DICER1: variants seen among roughly 807,000 people sequenced by gnomAD.
The protein encoded by DICER1 is endoribonuclease Dicer.
A neutral mutation model predicts 194.1 loss-of-function variants in DICER1; 43 were observed. The ratio of observed to expected loss-of-function variants is 0.22; its 90% CI spans 0.17 to 0.29. The LOEUF (loss-of-function observed/expected upper bound fraction) is 0.29. Ranked by LOEUF, DICER1 falls within the 10% of genes least tolerant of loss-of-function variation. DICER1 has a pLI of 1.00. For missense variants in DICER1, 1,608 were observed against 2,317.0 expected (o/e 0.69, Z 6.28); for synonymous variants, 832 against 820.5 (o/e 1.01, Z -0.24).
intron 24 of DICER1, among the ~76,000 whole-genome samples, chr14:95,091,894 A>T (rs1410110623): frequency 1.3e-5 from 2 of 152,222 alleles, no homozygotes; most frequent in Non-Finnish European, 2.9e-5. Context: ...GCCACTAGAT[A>T]TGTGTTCACT....
At chr14:95,134,378 A>T (rs1566817635) in intron 1 of DICER1, 1 of 152,244 alleles carries the variant, frequency 6.6e-6, no homozygotes, top group Admixed American at 6.5e-5. Flanking sequence ...ACAGAGGGTC[A>T]GGGATTCAAA....
intron 1 of DICER1, among the ~76,000 whole-genome samples, chr14:95,143,707 C>T (rs779748489): frequency 6.6e-6 from 1 of 152,164 alleles, no homozygotes; most frequent in Non-Finnish European, 1.5e-5. Flanking sequence ...GTGATGGGCA[C>T]AGCAGTCTGA....
Position 95,105,774 on chromosome 14 carries a change from A to C in DICER1, c.2997T>G (p.Leu999=), listed in dbSNP as rs12018992. 3.1e-3 allele frequency: 5,007 copies of C among 1,613,832 alleles called. 121 individuals carry two copies. In the African/African-American group the frequency reaches 0.057, roughly 18 times the overall value. ...DVDHTSSRLN[L]LTPRHLNQKG... ...TCTGATTCAAATGTCGAGGTGTCAA[A>C]AGATTAAGTCTGTAAGAATTCCAAA... The change falls in exon 19 of 27, where the codon CTT becomes CTG. Residue 999 remains leucine (L), a synonymous_variant. Transcript: ENST00000343455. The surrounding 1 kb of genome is among the most constrained non-coding windows in gnomAD (Gnocchi z 4.9).
In DICER1 at chr14:95,099,811, C is replaced by T. The variant is rs751216539; in HGVS notation, c.4175G>A (p.Ser1392Asn). Reference protein sequence around the residue: ...PPGYVVNQDKSNTDKWEKDEM... With the variant: ...PPGYVVNQDKNNTDKWEKDEM... ...ATCTTTTTCCCATTTATCTGTGTTG[C>T]TTTTGTCTTGATTTACTACATAACC... Residue 1392 changes from serine to asparagine, a missense_variant, in exon 22 of 27, where the codon AGC becomes AAC. By Grantham distance (46) the Ser-to-Asn change is conservative. Around this residue, in one of 10 missense-constraint regions of DICER1, gnomAD observed 164 missense variants for 183.7 expected, o/e 0.89. Coordinates refer to ENST00000343455, the MANE Select transcript of DICER1 (RefSeq NM_177438.3). The T allele has an allele frequency of 2.5e-6, 4 of 1,612,296 alleles. No individual in the cohort carries two copies. Among genetic ancestry groups the T allele is most frequent in the Non-Finnish European group, 3.4e-6 (4 of 1,179,400 alleles).
chr14:95,115,931 T>A lies in DICER1; in HGVS notation c.1753-110A>T, dbSNP rs566321934. The A allele has an allele frequency of 8.3e-6, 9 of 1,083,038 alleles. No homozygotes were observed. In the African/African-American group the frequency reaches 1.1e-4, roughly 13 times the overall value. The allele number at this position is 1,083,038 out of a possible 1,614,324, so 67.1% of individuals were successfully genotyped here. On this transcript the variant is annotated intron_variant, in intron 10 of 26. Transcript: ENST00000343455. ...CTCCTGAAAATATCTCTCTCTCTCC[T>A]AAACATACTTCAGTACTCCAAAGTA...
chr14:95,095,628 C>G (rs1045015463), intron 23 of DICER1, 197 bp downstream of exon 23: 3 of 657,032 alleles, frequency 4.6e-6, no homozygotes, highest in African/African-American at 3.6e-5. Flanking sequence ...CTCCCAACAA[C>G]CAAAGTTATA....
rs1893778970 is a variant in DICER1 at position 95,129,629 on chromosome 14, A to G, written c.577T>C (p.Cys193Arg). 1 of 1,610,978 alleles carries G rather than the reference A, an allele frequency of 6.2e-7. No homozygotes were observed. Among genetic ancestry groups the G allele is most frequent in the Non-Finnish European group, 8.5e-7 (1 of 1,179,710 alleles). Residue 193 changes from cysteine (C) to arginine (R), a missense_variant, in exon 6 of 27, where the codon TGT becomes CGT. This residue lies in a region of DICER1 where 657 missense variants were observed against 910.1 expected (regional missense o/e 0.72). Transcript: ENST00000343455. ...DHPYREIMKL[C>R]ENCPSCPRIL... ...CGAGGACATGATGGACAATTTTCAC[A>G]GAGCTAACATAATAAAAGATACTGA...
chr14:95,094,604 T>C (rs1005245235), intron 23 of DICER1, among the ~76,000 whole-genome samples: 1 of 152,228 alleles, frequency 6.6e-6, no homozygotes, highest in African/African-American at 2.4e-5. Flanking sequence ...ATTCACACTC[T>C]GGAATCTGTG....
intron 1 of DICER1, among the ~76,000 whole-genome samples, chr14:95,152,017 A>C (rs1895546926): frequency 6.6e-6 from 1 of 152,246 alleles, no homozygotes; most frequent in Admixed American, 6.5e-5. Context: ...AAGTTCTCTA[A>C]GTACAACCGG....
rs531996964 is a variant in DICER1 at position 95,132,708 on chromosome 14, C to T, written c.145-31G>A. ...AACATGGTGAAAAAAAAGTTATGCA[C>T]TTCTTACCTAAGTACAAAATTTATA... On this transcript the variant is annotated intron_variant, in intron 2 of 26. Transcript: ENST00000343455. 25 of 1,605,536 alleles carry T rather than the reference C, an allele frequency of 1.6e-5. No individual in the cohort carries two copies. In the African/African-American group the frequency reaches 2.9e-4, roughly 19 times the overall value.
chr14:95,116,415 T>A (rs1242183535), intron 10 of DICER1, 38 bp downstream of exon 10: 3 of 1,601,932 alleles, frequency 1.9e-6, no homozygotes, highest in Non-Finnish European at 2.5e-6. Context: ...TAATTTTTTT[T>A]CCCAATCTGC....
rs1595411153 is a variant in DICER1 at position 95,116,550 on chromosome 14, C to T, written c.1655G>A (p.Arg552Lys). ...ATAATTAGAGATGGGTGCCCTTGCT[C>T]TTCCTTTAGATTGAACATAGGATCG... ...EYRSYVQSKG[R>K]ARAPISNYIM... The change falls in exon 10 of 27, where the codon AGA (arginine) becomes AAA (lysine). Residue 552 changes from arginine to lysine, a missense_variant. Around this residue, in one of 10 missense-constraint regions of DICER1, gnomAD observed 657 missense variants for 910.1 expected, o/e 0.72. Coordinates refer to ENST00000343455, the MANE Select transcript of DICER1 (RefSeq NM_177438.3). The T allele has an allele frequency of 1.9e-6, 3 of 1,614,054 alleles. No homozygotes were observed. Among genetic ancestry groups the T allele is most frequent in the Non-Finnish European group, 2.5e-6 (3 of 1,179,982 alleles).
chr14:95,086,408 T>G lies in DICER1; in HGVS notation c.*4090A>C, dbSNP rs1399652994. The G allele has an allele frequency of 4.3e-6, 1 of 233,226 alleles. No individual in the cohort carries two copies. Among genetic ancestry groups the G allele is most frequent in the Non-Finnish European group, 8.5e-6 (1 of 117,910 alleles). 14.4% of individuals were successfully genotyped at this position (233,226 alleles called of 1,614,324 possible). The stretch of plus-strand genomic sequence containing the variant: ...CAGCATGTGATGGTAAATATTTTAT[T>G]GTCAATCAAATAATATGCATTAGTT... On this transcript the variant is annotated 3_prime_UTR_variant, in exon 27 of 27. Transcript: ENST00000343455.
intron 14 of DICER1, among the ~76,000 whole-genome samples, chr14:95,109,594 G>A (rs1252067944): frequency 6.6e-6 from 1 of 152,196 alleles, no homozygotes; most frequent in Non-Finnish European, 1.5e-5. Flanking sequence ...CTAGTCTCAC[G>A]TGAAAATTTG....
chr14:95,144,140 T>G (rs865801848), intron 1 of DICER1, among the ~76,000 whole-genome samples: 1 of 152,158 alleles, frequency 6.6e-6, no homozygotes, highest in Non-Finnish European at 1.5e-5. Context: ...ACATTTATAT[T>G]TATACATATA....
At position 95,126,822 on chromosome 14, in the gene DICER1, C is replaced by CA. The variant is rs75156371; in HGVS notation, c.735-75dup. ...AATTTAAAAAAAGTTTTTCAAAAAGCAAAAAAAAAAAAAAGGGAATAGATA... is the reference window on the plus strand; with the variant it reads ...AATTTAAAAAAAGTTTTTCAAAAAGCAAAAAAAAAAAAAAAGGGAATAGATA... On this transcript the variant is annotated intron_variant, in intron 6 of 26. Transcript: ENST00000343455. 0.03 allele frequency: 10,486 copies of CA among 347,510 alleles called. 72 individuals are homozygous for CA. Among genetic ancestry groups the CA allele is most frequent in the African/African-American group, 0.11 (2,406 of 21,852 alleles). The allele number at this position is 347,510 out of a possible 1,614,324, so 21.5% of individuals were successfully genotyped here.
Position 95,105,301 on chromosome 14 carries a change from A to G in DICER1, c.3094-55T>C. ...AATACAAAGCGCACACACAAAAGAA[A>G]AAAAAAAAGACCAATTTCACTAATG... On this transcript the variant is annotated intron_variant, in intron 19 of 26. Transcript: ENST00000343455. This position sits in a 1 kb window ranked among gnomAD's most constrained non-coding sequence, Gnocchi z 4.9. 6.7e-7 allele frequency: 1 copy of G among 1,484,744 alleles called. No homozygotes were observed. Among genetic ancestry groups the G allele is most frequent in the Non-Finnish European group, 9.4e-7 (1 of 1,069,502 alleles). 92.0% of individuals were successfully genotyped at this position (1,484,744 alleles called of 1,614,324 possible). A position where few individuals can be genotyped will look rare whatever the true frequency, so the allele number is the denominator to read the frequency against.
chr14:95,128,412 TCA>T (rs1312785459), intron 6 of DICER1, among the ~76,000 whole-genome samples: 2 of 152,204 alleles, frequency 1.3e-5, no homozygotes, highest in Non-Finnish European at 2.9e-5. Context: ...GCCTTCTACT[TCA>T]CCACCACAGT....
intron 23 of DICER1, chr14:95,095,525 T>C: frequency 2.5e-6 from 1 of 398,844 alleles, no homozygotes; most frequent in Non-Finnish European, 4.7e-6. Context: ...TTGCGGAGGA[T>C]AAAATGGGGA....
Sources: gnomAD v4.1 joint callset for allele counts (sites outside exome capture counted in the v4.1 genomes callset) on GRCh38, gnomAD v4.1.1 for gene constraint, gnomAD v4.1.1 regional missense constraint, Gnocchi (gnomAD v3.1) non-coding constraint, MANE v1.5 for transcripts, NCBI Gene and HGNC (gene_info 2026-07-23, HGNC 2026-07-21) for gene names.